Variants in AK9 observed in about 807,000 individuals in gnomAD.
The protein encoded by AK9 is adenylate kinase domain containing 1.
Under a neutral mutation model 239.6 loss-of-function variants are expected in AK9, and 191 were observed. That is an observed-to-expected ratio of 0.80 (90% CI 0.71 to 0.90). The LOEUF is 0.90. AK9 is among the 40% of genes least tolerant of loss of function. AK9 has a pLI of 0.00. For missense variants in AK9, 1,995 were observed against 2,214.7 expected (o/e 0.90, Z 1.99); for synonymous variants, 689 against 721.0 (o/e 0.96, Z 0.71).
chr6:109,611,434 G>A (rs545226138), intron 16 of AK9, among the ~76,000 whole-genome samples: 8 of 152,268 alleles, frequency 5.3e-5, no homozygotes, highest in African/African-American at 1.4e-4. Flanking sequence ...ATATCCATTC[G>A]CCTCTTCCTT....
intron 36 of AK9, among the ~76,000 whole-genome samples, chr6:109,498,586 G>C (rs2024852): frequency 0.35 from 52,566 of 152,088 alleles, 9,552 homozygotes; most frequent in South Asian, 0.44. Flanking sequence ...TCTATTTTCT[G>C]TTCCATTAAG....
intron 36 of AK9, among the ~76,000 whole-genome samples, chr6:109,498,614 C>T (rs901626524): frequency 6.6e-6 from 1 of 152,196 alleles, no homozygotes; most frequent in Non-Finnish European, 1.5e-5. Context: ...ATAAGGTATA[C>T]AAAGAGTTCT....
chr6:109,601,886 TAG>T (rs1792037963), intron 17 of AK9, among the ~76,000 whole-genome samples: 1 of 152,216 alleles, frequency 6.6e-6, no homozygotes, highest in Non-Finnish European at 1.5e-5. Flanking sequence ...TATCAGAGAC[TAG>T]GATTGCAACC....
chr6:109,552,575 T>G (rs759589962), intron 24 of AK9, among the ~76,000 whole-genome samples: 48 of 152,234 alleles, frequency 3.2e-4, no homozygotes, highest in Non-Finnish European at 5.0e-4. Flanking sequence ...GTAAATATGT[T>G]TAAGTTCAAC....
chr6:109,653,399 A>G (rs1413107118), intron 8 of AK9, among the ~76,000 whole-genome samples: 2 of 152,086 alleles, frequency 1.3e-5, no homozygotes, highest in Non-Finnish European at 2.9e-5. Context: ...GAATCAGTTT[A>G]TTTTACTTTT....
At chr6:109,612,312 T>G (rs768248607) in intron 15 of AK9, among the ~76,000 whole-genome samples, 1 of 152,140 alleles carries the variant, frequency 6.6e-6, no homozygotes, top group African/African-American at 2.4e-5. Flanking sequence ...ATAATGCCAA[T>G]GGATCTAAAT....
At chr6:109,628,808 C>A (rs1795817271) in intron 12 of AK9, among the ~76,000 whole-genome samples, 1 of 152,006 alleles carries the variant, frequency 6.6e-6, no homozygotes, top group African/African-American at 2.4e-5. Flanking sequence ...CCTAGCATTG[C>A]CTATCTTTAT....
chr6:109,527,276 C>A (rs986819261), intron 29 of AK9, among the ~76,000 whole-genome samples: 5 of 152,172 alleles, frequency 3.3e-5, no homozygotes, highest in Admixed American at 1.3e-4. Context: ...ATGTCCCATT[C>A]AGTGCTAAAA....
intron 29 of AK9, among the ~76,000 whole-genome samples, chr6:109,521,590 T>C (rs1338676200): frequency 6.6e-6 from 1 of 152,058 alleles, no homozygotes; most frequent in Non-Finnish European, 1.5e-5. Context: ...ATGTAGAAAT[T>C]GATTCTAAAA....
At chr6:109,529,846 G>A (rs148535408) in intron 28 of AK9, among the ~76,000 whole-genome samples, 37 of 152,226 alleles carry the variant, frequency 2.4e-4, no homozygotes, top group African/African-American at 7.2e-4. Context: ...GAGTGATGGG[G>A]AGCGGCTGTA....
At chr6:109,503,214 C>A (rs992665064) in intron 35 of AK9, among the ~76,000 whole-genome samples, 3 of 151,330 alleles carry the variant, frequency 2.0e-5, no homozygotes, top group Admixed American at 1.3e-4. Flanking sequence ...TATTATAATA[C>A]AAAGTATTAT....
intron 26 of AK9, among the ~76,000 whole-genome samples, chr6:109,543,174 T>C (rs1783107963): frequency 1.3e-5 from 2 of 152,150 alleles, no homozygotes; most frequent in South Asian, 4.1e-4. Flanking sequence ...CTTGAATGGA[T>C]AGTAAAAAAC....
chr6:109,630,313 A>G (rs1795980853), intron 12 of AK9, among the ~76,000 whole-genome samples: 1 of 152,170 alleles, frequency 6.6e-6, no homozygotes, highest in South Asian at 2.1e-4. Context: ...GGACCAGAAG[A>G]GTCAATATTG....
intron 2 of AK9, among the ~76,000 whole-genome samples, chr6:109,675,082 C>G (rs1228804906): frequency 1.3e-5 from 2 of 152,130 alleles, no homozygotes; most frequent in African/African-American, 2.4e-5. Flanking sequence ...CATGGTGCCT[C>G]TCAGGATCTC....
chr6:109,607,485 C>G (rs1793031855), intron 17 of AK9, among the ~76,000 whole-genome samples: 1 of 152,100 alleles, frequency 6.6e-6, no homozygotes, highest in Non-Finnish European at 1.5e-5. Flanking sequence ...TTGTATTAGG[C>G]ATTATAAGTA....
chr6:109,570,359 C>T (rs1287035476), intron 21 of AK9, among the ~76,000 whole-genome samples: 1 of 152,036 alleles, frequency 6.6e-6, no homozygotes, highest in African/African-American at 2.4e-5. Flanking sequence ...AGCACACCAA[C>T]ATGGCACATG....
chr6:109,681,228 T>G (rs191528995), intron 1 of AK9, among the ~76,000 whole-genome samples: 37 of 151,894 alleles, frequency 2.4e-4, no homozygotes, highest in African/African-American at 7.5e-4. Flanking sequence ...CAAACATAGG[T>G]GCAAAATAAA....
chr6:109,529,996 T>C (rs1036209701), intron 28 of AK9, among the ~76,000 whole-genome samples: 6 of 152,120 alleles, frequency 3.9e-5, no homozygotes, highest in Non-Finnish European at 7.4e-5. Context: ...TAAAAATACA[T>C]ATGTCCACAT....
In AK9 at chr6:109,514,452, C is replaced by A. The variant is rs1252938336; in HGVS notation, c.4066-15G>T. 1 of 1,506,464 alleles carries A rather than the reference C, an allele frequency of 6.6e-7. No individual in the cohort carries two copies. Among genetic ancestry groups the A allele is most frequent in the Non-Finnish European group, 8.9e-7 (1 of 1,123,374 alleles). The allele number at this position is 1,506,464 out of a possible 1,614,324, so 93.3% of individuals were successfully genotyped here. Reference sequence around the variant, plus strand: ...CCTTCACTTAGCTGCAACATATACACAGTTGAATTTGAAAGTTAGTTTGAA... The same window carrying A: ...CCTTCACTTAGCTGCAACATATACAAAGTTGAATTTGAAAGTTAGTTTGAA... On this transcript the variant is annotated splice_polypyrimidine_tract_variant and intron_variant, in intron 31 of 40. Transcript: ENST00000424296.
Sources: allele counts gnomAD v4.1 joint callset (sites outside exome capture counted in the v4.1 genomes callset), GRCh38; gene constraint gnomAD v4.1.1; transcripts MANE v1.5; gene names NCBI Gene and HGNC (gene_info 2026-07-23, HGNC 2026-07-21).